The following MGAT4C variants were observed in gnomAD, a reference collection of about 807,000 sequenced individuals.
The protein encoded by MGAT4C is MGAT4 family member C, also known as alpha-1,3-mannosyl-glycoprotein 4-beta-N-acetylglucosaminyltransferase C.
Under a neutral mutation model 40.1 loss-of-function variants are expected in MGAT4C, and 19 were observed. That is an observed-to-expected ratio of 0.47 (90% confidence interval 0.33 to 0.70). The LOEUF (loss-of-function observed/expected upper bound fraction) is 0.70, where lower values mean the gene tolerates loss of function less well. Among genes scored for constraint, MGAT4C ranks in the 30% least tolerant of loss-of-function variants. The pLI is 0.02. For missense variants in MGAT4C, 491 were observed against 563.2 expected, an observed-to-expected ratio of 0.87 and a Z score of 1.30; for synonymous variants, 181 against 187.1, an observed-to-expected ratio of 0.97 and a Z score of 0.27.
At chr12:86,007,552 T>A (rs1208783834) in intron 2 of MGAT4C, among the ~76,000 whole-genome samples, 10 of 152,086 alleles carry the variant, frequency 6.6e-5, no homozygotes, top group Non-Finnish European at 1.5e-5. Flanking sequence ...TTTCTCTTTT[T>A]TTGTCTGGTA....
intron 3 of MGAT4C, among the ~76,000 whole-genome samples, chr12:86,369,408 C>T (rs987206450): frequency 5.9e-5 from 9 of 151,780 alleles, no homozygotes; most frequent in African/African-American, 1.9e-4. Context: ...TTTTTCCTCT[C>T]TTTTTCTTTT....
intron 1 of MGAT4C, among the ~76,000 whole-genome samples, chr12:86,827,942 G>A (rs1390162380): frequency 6.6e-6 from 1 of 151,344 alleles, no homozygotes; most frequent in Non-Finnish European, 1.5e-5. Context: ...CTATCAATAA[G>A]TAGTCTAACT....
At chr12:85,995,934 C>T (rs575313352) in intron 2 of MGAT4C, among the ~76,000 whole-genome samples, 45 of 152,306 alleles carry the variant, frequency 3.0e-4, no homozygotes, top group Admixed American at 1.5e-3. Context: ...GGCCAATACT[C>T]TCTAGGCCTG....
In MGAT4C at chr12:85,964,961, C is replaced by T. The variant is rs1883280675; in HGVS notation, c.*14328G>A. On this transcript the variant is annotated 3_prime_UTR_variant, in exon 5 of 5. Transcript: ENST00000611864. ...TGCAAATAAACTATTACTGACCTCC[C>T]TTGGATTATGATGAAAACCGTGGAG... The T allele has an allele frequency of 6.6e-6, 1 of 152,104 alleles. No individual in the cohort carries two copies. The highest frequency in any genetic ancestry group is 6.6e-5 in the Admixed American group (1 of 15,262). The allele number at this position is 152,104 out of a possible 1,614,324, so 9.4% of individuals were successfully genotyped here. A position where few individuals can be genotyped will look rare whatever the true frequency, so the allele number is the denominator to read the frequency against.
At chr12:86,043,979 G>T (rs60410129) in intron 2 of MGAT4C, among the ~76,000 whole-genome samples, 1,594 of 152,282 alleles carry the variant, frequency 0.01, 12 homozygotes, top group African/African-American at 0.013. Context: ...TTCTTCTCTG[G>T]TTTTTTCTCA....
chr12:86,564,699 T>C (rs1332512622), intron 2 of MGAT4C, among the ~76,000 whole-genome samples: 1 of 152,194 alleles, frequency 6.6e-6, no homozygotes, highest in Non-Finnish European at 1.5e-5. Context: ...CCTCGTACAA[T>C]CAAGAAAGAT....
In MGAT4C at chr12:86,310,795, G is replaced by A. The variant is rs796159315; in HGVS notation, c.-57+23270C>T. ...AAAAATTAGCCAGGTATGGTGGCAT[G>A]CACCTGTAATCCCAGCTACTCGGGA... On this transcript the variant is annotated intron_variant, in intron 4 of 7. Coordinates refer to the MGAT4C transcript ENST00000548651. Among the ~76,000 whole-genome samples the A allele has an allele frequency of 2.6e-5, 4 of 152,228 alleles. 1 individual carries two copies. The highest frequency in any genetic ancestry group is 7.2e-5 in the African/African-American group (3 of 41,550).
At chr12:86,368,426 G>A (rs997212423) in intron 3 of MGAT4C, among the ~76,000 whole-genome samples, 4 of 150,280 alleles carry the variant, frequency 2.7e-5, no homozygotes, top group Admixed American at 6.7e-5. Flanking sequence ...TCTCACTTCC[G>A]TCACCTTTAG....
rs1390528925 is a variant in MGAT4C at position 86,732,274 on chromosome 12, T to C, written c.-261-5033A>G. Among the ~76,000 whole-genome samples, 3 of 152,136 alleles carry C rather than the reference T, an allele frequency of 2.0e-5. No homozygotes were observed. In the East Asian group the frequency reaches 5.8e-4, roughly 29 times the overall value. The stretch of plus-strand genomic sequence containing the variant: ...GAATGTTTTAATACAACAGTACCAA[T>C]CTTTTTGGCACTAGGGACTGGTTTC... On this transcript the variant is annotated intron_variant, in intron 1 of 7. Transcript: ENST00000548651.
Position 86,721,899 on chromosome 12 carries a change from G to A in MGAT4C, c.-229+5310C>T, listed in dbSNP as rs367782076. 9.2e-5 allele frequency among the ~76,000 whole-genome samples: 14 copies of A among 152,088 alleles called. 1 individual carries two copies. The East Asian group carries it at 9.7e-4, about 11-fold the overall frequency. On this transcript the variant is annotated intron_variant, in intron 2 of 7. Transcript: ENST00000548651. ...GGAAAATATTCAAATCTGTGATTGC[G>A]ACATTTGATGCAGGTAGAATGGTTA...
At chr12:86,018,102 C>A (rs534085923) in intron 2 of MGAT4C, among the ~76,000 whole-genome samples, 1 of 152,204 alleles carries the variant, frequency 6.6e-6, no homozygotes, top group East Asian at 1.9e-4. Context: ...TGCAACAAAC[C>A]ACCAAACATT....
intron 2 of MGAT4C, among the ~76,000 whole-genome samples, chr12:86,596,343 C>A (rs1477680183): frequency 6.6e-6 from 1 of 152,118 alleles, no homozygotes; most frequent in East Asian, 1.9e-4. Flanking sequence ...AAATAAACTG[C>A]TTTTGTGAAA....
rs182018096 is a variant in MGAT4C, at chr12:86,042,301, T to G, written c.-7+7373A>C. On this transcript the variant is annotated intron_variant, in intron 2 of 4. Transcript: ENST00000611864. ...TGCCTTTTAATTCAGGCCTTTAGCC[T>G]GGTTACATTCAAGGTTAATACTGAT... 1.8e-4 allele frequency among the ~76,000 whole-genome samples: 28 copies of G among 152,344 alleles called. No homozygotes were observed. The East Asian group carries it at 5.4e-3, about 29-fold the overall frequency.
chr12:86,254,467 G>T (rs945272688), intron 1 of MGAT4C, among the ~76,000 whole-genome samples: 1 of 152,004 alleles, frequency 6.6e-6, no homozygotes, highest in African/African-American at 2.4e-5. Context: ...TTTCTTCATT[G>T]TTGACAGAAT....
At position 86,431,245 on chromosome 12, in the gene MGAT4C, C is replaced by T. The variant is rs1014495588; in HGVS notation, c.-120+3912G>A. ...CCACAGCTAGCAGGAACACAGTGGT[C>T]CCACCAAGATCCACTCTTGTCACTG... On this transcript the variant is annotated intron_variant, in intron 3 of 7. Coordinates refer to the MGAT4C transcript ENST00000548651. 2.0e-5 allele frequency among the ~76,000 whole-genome samples: 3 copies of T among 151,144 alleles called. No homozygotes were observed. In the South Asian group the frequency reaches 6.3e-4, roughly 32 times the overall value.
At chr12:86,439,962 G>A in intron 2 of MGAT4C, among the ~76,000 whole-genome samples, 1 of 151,128 alleles carries the variant, frequency 6.6e-6, no homozygotes, top group East Asian at 1.9e-4. Flanking sequence ...ATAACAAGCA[G>A]TGTGATTGAA....
intron 3 of MGAT4C, among the ~76,000 whole-genome samples, chr12:86,432,777 C>T (rs576261601): frequency 7.2e-5 from 11 of 151,972 alleles, no homozygotes; most frequent in Non-Finnish European, 1.6e-4. Flanking sequence ...AAGCAGTTTC[C>T]TCAAAATATG....
At chr12:85,991,778 GC>G (rs1421076381) in intron 2 of MGAT4C, among the ~76,000 whole-genome samples, 1 of 152,166 alleles carries the variant, frequency 6.6e-6, no homozygotes, top group Non-Finnish European at 1.5e-5. Flanking sequence ...GATAGCTTGA[GC>G]CCAGGAGTTT....
intron 1 of MGAT4C, among the ~76,000 whole-genome samples, chr12:86,754,077 C>A (rs1414710781): frequency 6.6e-6 from 1 of 151,976 alleles, no homozygotes; most frequent in Non-Finnish European, 1.5e-5. Flanking sequence ...AGCCCTGAAC[C>A]AAAACAACCA....
Sources: allele counts gnomAD v4.1 joint callset (sites outside exome capture counted in the v4.1 genomes callset), GRCh38; gene constraint gnomAD v4.1.1; transcripts MANE v1.5; gene names NCBI Gene and HGNC (gene_info 2026-07-23, HGNC 2026-07-21).